The following LYPD1 variants were observed in gnomAD, a reference collection of about 807,000 sequenced individuals.
LYPD1 encodes ly6/PLAUR domain-containing protein 1.
A neutral mutation model predicts 14.2 loss-of-function variants in LYPD1; 14 were observed. The ratio of observed to expected loss-of-function variants is 0.99; its 90% CI spans 0.65 to 1.54. The LOEUF (loss-of-function observed/expected upper bound fraction) is 1.54. Among genes scored for constraint, LYPD1 ranks in the 40% most tolerant of loss-of-function variants. LYPD1 has a pLI of 0.00. For missense variants in LYPD1, 165 were observed against 175.7 expected (o/e 0.94, Z 0.34); for synonymous variants, 85 against 70.6 (o/e 1.20, Z -1.02).
intron 2 of LYPD1, among the ~76,000 whole-genome samples, chr2:132,667,175 AAAT>A (rs1273626142): frequency 3.3e-5 from 5 of 152,194 alleles, no homozygotes; most frequent in Non-Finnish European, 7.3e-5. Flanking sequence ...CCACGTGCCA[AAAT>A]AATGTTTACC....
intron 2 of LYPD1, among the ~76,000 whole-genome samples, chr2:132,657,420 C>G (rs1326408477): frequency 6.6e-6 from 1 of 152,158 alleles, no homozygotes; most frequent in Non-Finnish European, 1.5e-5. Context: ...CATTTCTAAC[C>G]TTGATGTCCT....
In LYPD1 at chr2:132,651,368, G is replaced by A. The variant is rs567848332; in HGVS notation, c.191-5088C>T. On this transcript the variant is annotated intron_variant, in intron 2 of 2. Transcript: ENST00000397463. ...CCCGAAGCTCAAGTCTCAGGGTCAC[G>A]GGGCAGGGGTATTTGTGCCTGTGGT... Among the ~76,000 whole-genome samples the A allele has an allele frequency of 4.6e-5, 7 of 152,200 alleles. No individual in the cohort carries two copies. The East Asian group carries it at 5.8e-4, about 13-fold the overall frequency.
At chr2:132,654,147 T>C (rs1477895275) in intron 2 of LYPD1, among the ~76,000 whole-genome samples, 2 of 152,230 alleles carry the variant, frequency 1.3e-5, no homozygotes, top group Non-Finnish European at 2.9e-5. Flanking sequence ...TTGTTAACAC[T>C]AGCCAAAGAT....
chr2:132,657,214 T>C (rs1296326699), intron 2 of LYPD1, among the ~76,000 whole-genome samples: 2 of 152,220 alleles, frequency 1.3e-5, no homozygotes, highest in Admixed American at 6.5e-5. Context: ...TTTACTCTAG[T>C]CTTGCATTAG....
chr2:132,650,088 G>T (rs1251536212), intron 2 of LYPD1, among the ~76,000 whole-genome samples: 1 of 152,068 alleles, frequency 6.6e-6, no homozygotes, highest in Non-Finnish European at 1.5e-5. Flanking sequence ...ATGTAAAAAG[G>T]TCCTAGAAAT....
intron 2 of LYPD1, among the ~76,000 whole-genome samples, chr2:132,662,343 A>T (rs921520999): frequency 6.6e-6 from 1 of 152,210 alleles, no homozygotes; most frequent in Non-Finnish European, 1.5e-5. Flanking sequence ...GCCTGTTTCT[A>T]CATTTTACAA....
At position 132,645,109 on chromosome 2, in the gene LYPD1, G is replaced by T; in HGVS notation, c.*936C>A. ...TGCTCGTGTCTGCCCAGGGCTGATT[G>T]TTGTGACATTGGCCGTATGCTGGAT... is the stretch of plus-strand genomic sequence containing the variant. On this transcript the variant is annotated 3_prime_UTR_variant, in exon 3 of 3. Transcript: ENST00000397463. 1 of 1,612,228 alleles carries T rather than the reference G, an allele frequency of 6.2e-7. No individual in the cohort carries two copies. The highest frequency in any genetic ancestry group is 2.2e-5 in the East Asian group (1 of 44,844).
rs1057277402 is a variant in LYPD1 at position 132,669,044 on chromosome 2, C to G, written c.53-507G>C. ...TGCCAGGGCTCTGAGGATCCCTGAGCGACCACCTGGGAACAACTTGGGTGG... is the reference window on the plus strand; with the variant it reads ...TGCCAGGGCTCTGAGGATCCCTGAGGGACCACCTGGGAACAACTTGGGTGG... On this transcript the variant is annotated intron_variant, in intron 1 of 2. Coordinates refer to ENST00000397463, the MANE Select transcript of LYPD1 (RefSeq NM_144586.7). The surrounding 1 kb of genome is among the most constrained non-coding windows in gnomAD (Gnocchi z 4.3). 2.0e-5 allele frequency among the ~76,000 whole-genome samples: 3 copies of G among 152,220 alleles called. No homozygotes were observed. Among genetic ancestry groups the G allele is most frequent in the Admixed American group, 6.5e-5 (1 of 15,290 alleles).
intron 2 of LYPD1, among the ~76,000 whole-genome samples, chr2:132,667,717 G>T (rs532061560): frequency 6.6e-6 from 1 of 152,310 alleles, no homozygotes; most frequent in Admixed American, 6.5e-5. Flanking sequence ...GGGGTAGGGG[G>T]TGAGGAGAGG....
At chr2:132,650,500 T>G (rs1682315902) in intron 2 of LYPD1, among the ~76,000 whole-genome samples, 1 of 152,142 alleles carries the variant, frequency 6.6e-6, no homozygotes. Flanking sequence ...ACAAAACGAC[T>G]ATACACAAGG....
Position 132,645,811 on chromosome 2 carries a change from A to G in LYPD1, c.*234T>C. The G allele has an allele frequency of 1.4e-6, 1 of 717,724 alleles. No individual in the cohort carries two copies. The highest frequency in any genetic ancestry group is 2.2e-6 in the Non-Finnish European group (1 of 448,350). The allele number at this position is 717,724 out of a possible 1,614,324, so 44.5% of individuals were successfully genotyped here. A position where few individuals can be genotyped will look rare whatever the true frequency, so the allele number is the denominator to read the frequency against. ...CTCCGGTTACACAGACATGGGGGTGAACTTTCACTCCACCTCCTTCCTTCA... is the reference window on the plus strand; with the variant it reads ...CTCCGGTTACACAGACATGGGGGTGGACTTTCACTCCACCTCCTTCCTTCA... On this transcript the variant is annotated 3_prime_UTR_variant, in exon 3 of 3. Coordinates refer to ENST00000397463, the MANE Select transcript of LYPD1 (RefSeq NM_144586.7).
At position 132,669,691 on chromosome 2, in the gene LYPD1, C is replaced by T. The variant is rs1558891721; in HGVS notation, c.52+190G>A. On this transcript the variant is annotated intron_variant, in intron 1 of 2. Coordinates refer to ENST00000397463, the MANE Select transcript of LYPD1 (RefSeq NM_144586.7). This position sits in a 1 kb window ranked among gnomAD's most constrained non-coding sequence, Gnocchi z 4.3. ...CCGCAAACCCGCCGCTCCCCGCTCTCCTCCTGCAGCGCGGGACTTGGACAC... is the reference window on the plus strand; with the variant it reads ...CCGCAAACCCGCCGCTCCCCGCTCTTCTCCTGCAGCGCGGGACTTGGACAC... 6.6e-6 allele frequency among the ~76,000 whole-genome samples: 1 copy of T among 152,162 alleles called. No individual in the cohort carries two copies. Among genetic ancestry groups the T allele is most frequent in the Non-Finnish European group, 1.5e-5 (1 of 68,024 alleles).
At chr2:132,646,443 A>C (rs1682083572) in intron 2 of LYPD1, 163 bp from the exon 3 acceptor site, 5 of 419,088 alleles carry the variant, frequency 1.2e-5, no homozygotes, top group Non-Finnish European at 2.1e-5. Flanking sequence ...GATATTCAAG[A>C]TAGATGGTGA....
chr2:132,656,151 T>C (rs713535), intron 2 of LYPD1, among the ~76,000 whole-genome samples: 79,694 of 152,110 alleles, frequency 0.52, 21,584 homozygotes, highest in East Asian at 0.67. Flanking sequence ...TGGACCATTA[T>C]GCATCTATCT....
In LYPD1 at chr2:132,669,972, A is replaced by G. The variant is rs770449495; in HGVS notation, c.-40T>C. The G allele has an allele frequency of 6.2e-7, 1 of 1,606,254 alleles. No individual in the cohort carries two copies. The highest frequency in any genetic ancestry group is 2.2e-5 in the East Asian group (1 of 44,458). On this transcript the variant is annotated 5_prime_UTR_variant, in exon 1 of 3. It removes the in-frame stop codon of an upstream open reading frame in the 5' UTR. Transcript: ENST00000397463. The surrounding 1 kb of genome is among the most constrained non-coding windows in gnomAD (Gnocchi z 4.3). The stretch of plus-strand genomic sequence containing the variant: ...GGGGCCGGGAGAGGGCAAGCGCATC[A>G]GAGGAGGCGACAGCAGCGGAGGCTG...
In LYPD1 at chr2:132,645,570, T is replaced by A. The variant is rs1682021565; in HGVS notation, c.*475A>T. ...ACTCAGGCGCGAAACCAGCCAATTC[T>A]GCTGCAGAGAATGGTTTTCAGGAGC... On this transcript the variant is annotated 3_prime_UTR_variant, in exon 3 of 3. Coordinates refer to ENST00000397463, the MANE Select transcript of LYPD1 (RefSeq NM_144586.7). 6.2e-7 allele frequency: 1 copy of A among 1,613,916 alleles called. No individual in the cohort carries two copies. The highest frequency in any genetic ancestry group is 1.3e-5 in the African/African-American group (1 of 74,920).
rs762417242 is a variant in LYPD1 at position 132,645,607 on chromosome 2, A to G, written c.*438T>C. On this transcript the variant is annotated 3_prime_UTR_variant, in exon 3 of 3. Coordinates refer to ENST00000397463, the MANE Select transcript of LYPD1 (RefSeq NM_144586.7). ...TGGTTTTCAGGAGCATGAAGTTTGA[A>G]TGTCAAGCGAGGGAGCCTTGAGTGG... 2 of 1,608,016 alleles carry G rather than the reference A, an allele frequency of 1.2e-6. No individual in the cohort carries two copies. The highest frequency in any genetic ancestry group is 8.5e-7 in the Non-Finnish European group (1 of 1,176,980).
chr2:132,669,887 G>C lies in LYPD1; in HGVS notation c.46C>G (p.Leu16Val). 1 of 1,612,912 alleles carries C rather than the reference G, an allele frequency of 6.2e-7. No homozygotes were observed. Among genetic ancestry groups the C allele is most frequent in the Non-Finnish European group, 8.5e-7 (1 of 1,179,372 alleles). ...GGCCTCTGGGTATTCTCACCTGGAA[G>C]CAAGAACAATCCGCAAAAAGTTGCC... is the stretch of plus-strand genomic sequence containing the variant. Reference protein sequence around the residue: ...IAATFCGLFLLPGFALQIQCY... With the variant: ...IAATFCGLFLVPGFALQIQCY... The change falls in exon 1 of 3, where the codon CTT (leucine) becomes GTT (valine). Residue 16 changes from leucine (L) to valine (V), a missense_variant. Coordinates refer to ENST00000397463, the MANE Select transcript of LYPD1 (RefSeq NM_144586.7). The surrounding 1 kb of genome is among the most constrained non-coding windows in gnomAD (Gnocchi z 4.3).
Position 132,645,392 on chromosome 2 carries a change from A to ACAGCGCCCGCTTTGTG in LYPD1, c.*637_*652dup, listed in dbSNP as rs761938602. 2.5e-6 allele frequency: 4 copies of ACAGCGCCCGCTTTGTG among 1,613,642 alleles called. No homozygotes were observed. The highest frequency in any genetic ancestry group is 3.3e-5 in the Admixed American group (2 of 60,006). ...CGCGTACATGCGCACTCCACCACCG[A>ACAGCGCCCGCTTTGTG]CAGCGCCCGCTTTGTGCAGCGCCCG... On this transcript the variant is annotated 3_prime_UTR_variant, in exon 3 of 3. Transcript: ENST00000397463.
Sources: allele counts gnomAD v4.1 joint callset (sites outside exome capture counted in the v4.1 genomes callset), GRCh38; gene constraint gnomAD v4.1.1; non-coding constraint Gnocchi (gnomAD v3.1); transcripts MANE v1.5; gene names NCBI Gene and HGNC (gene_info 2026-07-23, HGNC 2026-07-21).